The following EML6 variants were observed in gnomAD, a reference collection of about 807,000 sequenced individuals.
EML6 encodes the protein EMAP like 6, also known as echinoderm microtubule-associated protein-like 6.
EML6 carries 154 observed loss-of-function variants against 240.1 expected under a neutral mutation model. That is an observed-to-expected ratio of 0.64 (90% CI 0.56 to 0.73). EML6 has a LOEUF of 0.73. Ranked by LOEUF, EML6 falls within the 30% of genes least tolerant of loss-of-function variation. The probability of loss-of-function intolerance (pLI) is 0.00; values close to 1 mark genes in which losing one functional copy is unlikely to be tolerated. For missense variants in EML6, 2,964 were observed against 2,474.6 expected, an observed-to-expected ratio of 1.20 and a Z score of -4.20; for synonymous variants, 1,148 against 899.0, an observed-to-expected ratio of 1.28 and a Z score of -4.95.
In EML6 at chr2:54,813,231, G is replaced by T. The variant is rs757424810; in HGVS notation, c.198-1G>T. Reference sequence around the variant, plus strand: ...GTGAAAAGAAACCTTTTCTCTTTCAGCCTTGCCTTACACCCAGACAAAACT... The same window carrying T: ...GTGAAAAGAAACCTTTTCTCTTTCATCCTTGCCTTACACCCAGACAAAACT... On this transcript the variant is annotated splice_acceptor_variant, in intron 2 of 41. Coordinates refer to ENST00000356458, the MANE Select transcript of EML6 (RefSeq NM_001039753.4). LOFTEE classifies it high-confidence loss of function. 5.2e-6 allele frequency: 8 copies of T among 1,543,756 alleles called. No homozygotes were observed.
intron 21 of EML6, among the ~76,000 whole-genome samples, chr2:54,898,723 G>C (rs1193642792): frequency 6.6e-6 from 1 of 152,118 alleles, no homozygotes; most frequent in African/African-American, 2.4e-5. Flanking sequence ...CTGTGTGTGG[G>C]CTTCCTTTTT....
At chr2:54,910,181 T>G (rs1173531087) in intron 24 of EML6, among the ~76,000 whole-genome samples, 2 of 152,206 alleles carry the variant, frequency 1.3e-5, no homozygotes, top group African/African-American at 4.8e-5. Context: ...AGGGGTTCTT[T>G]ATACTCTTCT....
At chr2:54,809,553 CAGAA>C (rs1553383614) in intron 2 of EML6, among the ~76,000 whole-genome samples, 2 of 152,050 alleles carry the variant, frequency 1.3e-5, no homozygotes, top group Non-Finnish European at 2.9e-5. Flanking sequence ...TCAGAGCACT[CAGAA>C]AGGAGCAGAG....
Position 54,910,954 on chromosome 2 carries a change from GA to G in EML6, c.3414del (p.Lys1138AsnfsTer5). ...TCTCTACTTCGTTCTGTCGTAACAG[GA>G]AAATTATTGCAAGTGAATTCAGGTG... The part of the protein sequence containing the change: ...YITHIDWDSR[G>X]KLLQVNSGAR... On this transcript the variant is annotated frameshift_variant and splice_region_variant, in exon 25 of 42. Coordinates refer to ENST00000356458, the MANE Select transcript of EML6 (RefSeq NM_001039753.4). LOFTEE classifies it high-confidence loss of function. 1 of 1,521,968 alleles carries G rather than the reference GA, an allele frequency of 6.6e-7. No individual in the cohort carries two copies. Among genetic ancestry groups the G allele is most frequent in the Non-Finnish European group, 8.9e-7 (1 of 1,123,638 alleles). 94.3% of individuals were successfully genotyped at this position (1,521,968 alleles called of 1,614,324 possible).
intron 16 of EML6, among the ~76,000 whole-genome samples, chr2:54,878,471 A>C (rs957727398): frequency 9.2e-5 from 14 of 152,250 alleles, no homozygotes; most frequent in Non-Finnish European, 2.1e-4. Context: ...CCTTGCAGGA[A>C]GGCAGCAAAG....
chr2:54,798,678 T>G (rs1327848062), intron 2 of EML6, among the ~76,000 whole-genome samples: 1 of 152,198 alleles, frequency 6.6e-6, no homozygotes. Context: ...TTTTATTGAT[T>G]AGGATAATAG....
intron 3 of EML6, among the ~76,000 whole-genome samples, chr2:54,816,019 A>C (rs945446180): frequency 6.6e-6 from 1 of 152,266 alleles, no homozygotes; most frequent in African/African-American, 2.4e-5. Context: ...TAAGGAGGTT[A>C]ATTTTGCAAG....
rs530968144 is a variant in EML6, at chr2:54,936,298, A to T, written c.4004+7547A>T. Among the ~76,000 whole-genome samples, 7 of 152,310 alleles carry T rather than the reference A, an allele frequency of 4.6e-5. No homozygotes were observed. The South Asian group carries it at 1.4e-3, about 32-fold the overall frequency. On this transcript the variant is annotated intron_variant, in intron 28 of 41. Transcript: ENST00000356458. ...AGTGTGGGTTATGATCTTTTACTGA[A>T]ATTCATATGAGCTGACCAGGTATTA...
chr2:54,851,635 C>T (rs1057036340), intron 10 of EML6, among the ~76,000 whole-genome samples: 1 of 152,154 alleles, frequency 6.6e-6, no homozygotes, highest in Non-Finnish European at 1.5e-5. Context: ...AACCAACTTT[C>T]AGGTATTTGG....
rs574203986 is a variant in EML6, at chr2:54,769,815, C to T, written c.198-43417C>T. Among the ~76,000 whole-genome samples the T allele has an allele frequency of 9.9e-5, 15 of 152,274 alleles. No individual in the cohort carries two copies. In the East Asian group the frequency reaches 2.5e-3, roughly 25 times the overall value. ...TGTTAACTCTAGGTACTATCCTGTCCAGTAGATCCGTAGGACTTGTTAATC... is the reference window on the plus strand; with the variant it reads ...TGTTAACTCTAGGTACTATCCTGTCTAGTAGATCCGTAGGACTTGTTAATC... On this transcript the variant is annotated intron_variant, in intron 2 of 41. Transcript: ENST00000356458.
chr2:54,963,912 C>G (rs939443568), intron 36 of EML6, 74 bp from the exon 37 acceptor site: 15 of 1,406,642 alleles, frequency 1.1e-5, no homozygotes, highest in Non-Finnish European at 1.4e-5. Context: ...CTTCTCTGGC[C>G]TGGTGCAGAA....
At position 54,970,233 on chromosome 2, in the gene EML6, G is replaced by A. The variant is rs1676930877; in HGVS notation, c.*138G>A. On this transcript the variant is annotated 3_prime_UTR_variant, in exon 42 of 42. Transcript: ENST00000356458. ...CCCGGATGCACAAGCTCAAAACGCT[G>A]CAGAAGTTACACAACTGCTCCCATA... 1.2e-6 allele frequency: 1 copy of A among 823,128 alleles called. No homozygotes were observed. Among genetic ancestry groups the A allele is most frequent in the East Asian group, 2.7e-5 (1 of 37,416 alleles). The allele number at this position is 823,128 out of a possible 1,614,324, so 51.0% of individuals were successfully genotyped here.
intron 2 of EML6, among the ~76,000 whole-genome samples, chr2:54,733,318 G>C (rs554395911): frequency 6.6e-6 from 1 of 152,316 alleles, no homozygotes; most frequent in South Asian, 2.1e-4. Context: ...ATTTTTCTGT[G>C]TTACGAGTTG....
At chr2:54,884,667 A>G (rs1336599204) in intron 17 of EML6, among the ~76,000 whole-genome samples, 1 of 152,252 alleles carries the variant, frequency 6.6e-6, no homozygotes, top group Non-Finnish European at 1.5e-5. Context: ...TGTATTTTGT[A>G]ATATCACAAT....
At position 54,813,220 on chromosome 2, in the gene EML6, T is replaced by C. The variant is rs1227984257; in HGVS notation, c.198-12T>C. 1 of 1,531,522 alleles carries C rather than the reference T, an allele frequency of 6.5e-7. No individual in the cohort carries two copies. The highest frequency in any genetic ancestry group is 1.4e-5 in the African/African-American group (1 of 72,094). 94.9% of individuals were successfully genotyped at this position (1,531,522 alleles called of 1,614,324 possible). A position where few individuals can be genotyped will look rare whatever the true frequency, so the allele number is the denominator to read the frequency against. On this transcript the variant is annotated splice_polypyrimidine_tract_variant and intron_variant, in intron 2 of 41. Coordinates refer to ENST00000356458, the MANE Select transcript of EML6 (RefSeq NM_001039753.4). ...AGTTGGAAGATGTGAAAAGAAACCT[T>C]TTCTCTTTCAGCCTTGCCTTACACC...
At chr2:54,857,279 C>T (rs1226805993) in intron 11 of EML6, among the ~76,000 whole-genome samples, 1 of 152,024 alleles carries the variant, frequency 6.6e-6, no homozygotes, top group Non-Finnish European at 1.5e-5. Context: ...GTCACGTTGA[C>T]AGCACTTTAA....
At chr2:54,749,208 A>T (rs556328582) in intron 2 of EML6, among the ~76,000 whole-genome samples, 304 of 152,338 alleles carry the variant, frequency 2.0e-3, no homozygotes, top group Middle Eastern at 0.01. Flanking sequence ...TGGAAATTTT[A>T]AAGTTAAGAA....
rs937039113 is a variant in EML6 at position 54,962,688 on chromosome 2, C to T, written c.5134C>T (p.Arg1712Trp). 4.7e-6 allele frequency: 7 copies of T among 1,503,952 alleles called. No individual in the cohort carries two copies. The highest frequency in any genetic ancestry group is 1.3e-5 in the South Asian group (1 of 76,356). 93.2% of individuals were successfully genotyped at this position (1,503,952 alleles called of 1,614,324 possible). Residue 1712 changes from arginine to tryptophan, a missense_variant, in exon 36 of 42, where the codon CGG becomes TGG. Coordinates refer to ENST00000356458, the MANE Select transcript of EML6 (RefSeq NM_001039753.4). Reference protein sequence around the residue: ...FISASNDGTARIWDLADKKLL... With the variant: ...FISASNDGTAWIWDLADKKLL... ...CTCTGCCAGCAACGATGGCACAGCC[C>T]GGATCTGGGACCTGGCTGACAAGGT...
chr2:54,797,152 A>T (rs980093996), intron 2 of EML6, among the ~76,000 whole-genome samples: 2 of 135,726 alleles, frequency 1.5e-5, no homozygotes, highest in African/African-American at 5.6e-5. Flanking sequence ...GTGACAGAGC[A>T]AGACTCCATC....
Sources: gnomAD v4.1 joint callset for allele counts (sites outside exome capture counted in the v4.1 genomes callset) on GRCh38, gnomAD v4.1.1 for gene constraint, MANE v1.5 for transcripts, NCBI Gene and HGNC (gene_info 2026-07-23, HGNC 2026-07-21) for gene names.